PDE7B: variants seen among roughly 807,000 people sequenced by gnomAD.
PDE7B encodes the protein 3',5'-cyclic-AMP phosphodiesterase 7B.
In PDE7B, 29 loss-of-function variants were observed where a neutral mutation model predicts 56.2. That is an observed-to-expected ratio of 0.52 (90% CI 0.38 to 0.70). The LOEUF is 0.70. PDE7B is among the 30% of genes least tolerant of loss of function. The pLI, the probability that PDE7B is intolerant of heterozygous loss-of-function variation, is 0.00. For synonymous variants in PDE7B, 197 were observed against 196.9 expected (o/e 1.00, Z 0.00); for missense variants, 490 against 565.0 (o/e 0.87, Z 1.35).
intron 2 of PDE7B, among the ~76,000 whole-genome samples, chr6:136,006,614 G>A (rs1414078076): frequency 6.6e-6 from 1 of 152,036 alleles, no homozygotes; most frequent in African/African-American, 2.4e-5. Flanking sequence ...TCCCATTGTA[G>A]AGATATTTTA....
intron 2 of PDE7B, among the ~76,000 whole-genome samples, chr6:136,049,649 T>C (rs1776590217): frequency 1.3e-5 from 2 of 152,036 alleles, no homozygotes; most frequent in Non-Finnish European, 1.5e-5. Context: ...ATGGTTAAGA[T>C]CTCAACAAGA....
chr6:136,066,273 T>C (rs1776934469), intron 2 of PDE7B, among the ~76,000 whole-genome samples: 4 of 152,360 alleles, frequency 2.6e-5, no homozygotes, highest in Admixed American at 2.6e-4. Context: ...TTAGAGCAGA[T>C]GTGCACCTTG....
At chr6:136,122,152 C>T (rs1426937105) in intron 3 of PDE7B, among the ~76,000 whole-genome samples, 2 of 152,040 alleles carry the variant, frequency 1.3e-5, no homozygotes, top group Non-Finnish European at 2.9e-5. Flanking sequence ...CCCACCACCA[C>T]GCCCGGCTAA....
chr6:136,188,277 A>C (rs1779172537), intron 12 of PDE7B, among the ~76,000 whole-genome samples: 1 of 151,188 alleles, frequency 6.6e-6, no homozygotes, highest in Admixed American at 6.6e-5. Flanking sequence ...TTTTTTTTTC[A>C]AATTGTCCTT....
At chr6:136,189,684 CTG>C (rs1381509649) in intron 12 of PDE7B, among the ~76,000 whole-genome samples, 13 of 152,190 alleles carry the variant, frequency 8.5e-5, no homozygotes, top group African/African-American at 3.1e-4. Context: ...CTTGTCTACT[CTG>C]AGGCTACCAT....
chr6:136,043,595 A>AAAAAT (rs398002900), intron 2 of PDE7B, among the ~76,000 whole-genome samples: 4 of 146,342 alleles, frequency 2.7e-5, no homozygotes, highest in African/African-American at 5.0e-5. Context: ...AAAAAAAAAA[A>AAAAAT]GTGCCTAGAA....
chr6:135,868,202 A>T (rs1034278655), intron 1 of PDE7B, among the ~76,000 whole-genome samples: 2 of 152,068 alleles, frequency 1.3e-5, no homozygotes, highest in African/African-American at 4.8e-5. Context: ...GGCTAGGATA[A>T]GTTCTTTGGC....
chr6:136,184,256 C>T (rs1456531330), intron 11 of PDE7B, among the ~76,000 whole-genome samples: 1 of 152,074 alleles, frequency 6.6e-6, no homozygotes, highest in African/African-American at 2.4e-5. Flanking sequence ...CATTGGTTAG[C>T]AAAGTGTCTG....
At chr6:136,172,708 C>T (rs920487231) in intron 8 of PDE7B, among the ~76,000 whole-genome samples, 2 of 151,822 alleles carry the variant, frequency 1.3e-5, no homozygotes, top group African/African-American at 2.4e-5. Context: ...AAGTCCTTGC[C>T]CATGCCTATG....
chr6:136,001,268 C>G (rs924534355), intron 2 of PDE7B, among the ~76,000 whole-genome samples: 2 of 152,178 alleles, frequency 1.3e-5, no homozygotes, highest in Non-Finnish European at 2.9e-5. Context: ...AGCAGAAAAA[C>G]TGGAAACTCT....
At chr6:135,883,047 T>C (rs1775638486) in intron 1 of PDE7B, among the ~76,000 whole-genome samples, 1 of 152,208 alleles carries the variant, frequency 6.6e-6, no homozygotes, top group Non-Finnish European at 1.5e-5. Context: ...ATTCTTCAGG[T>C]ATCAGGGTGT....
intron 2 of PDE7B, among the ~76,000 whole-genome samples, chr6:136,103,609 G>C (rs748298742): frequency 6.6e-6 from 1 of 152,186 alleles, no homozygotes; most frequent in Non-Finnish European, 1.5e-5. Flanking sequence ...CCTTTCATGA[G>C]AGCTGCTTCT....
At chr6:135,949,093 A>G (rs935019557) in intron 2 of PDE7B, among the ~76,000 whole-genome samples, 9 of 152,066 alleles carry the variant, frequency 5.9e-5, no homozygotes, top group African/African-American at 2.2e-4. Context: ...TGTTATCTTC[A>G]TTTTATAAAT....
At chr6:136,001,026 A>G (rs1583820535) in intron 2 of PDE7B, among the ~76,000 whole-genome samples, 1 of 152,238 alleles carries the variant, frequency 6.6e-6, no homozygotes, top group African/African-American at 2.4e-5. Context: ...ATCAGACAGC[A>G]GCATTTGCAG....
intron 1 of PDE7B, among the ~76,000 whole-genome samples, chr6:135,932,317 T>C (rs1046668573): frequency 9.9e-5 from 15 of 152,142 alleles, no homozygotes; most frequent in African/African-American, 3.6e-4. Context: ...AATTGGATTG[T>C]TTGCAACTCA....
chr6:136,120,545 G>A (rs557802151), intron 3 of PDE7B, among the ~76,000 whole-genome samples: 36 of 152,150 alleles, frequency 2.4e-4, no homozygotes, highest in Non-Finnish European at 4.7e-4. Flanking sequence ...CTAACAGCAG[G>A]TGGGAAGAAG....
intron 1 of PDE7B, among the ~76,000 whole-genome samples, chr6:135,939,936 T>C (rs1210972546): frequency 6.6e-6 from 1 of 152,200 alleles, no homozygotes; most frequent in African/African-American, 2.4e-5. Flanking sequence ...AGAGCTCTAA[T>C]ACAGAGATAG....
intron 2 of PDE7B, among the ~76,000 whole-genome samples, chr6:136,027,057 A>G (rs1776165032): frequency 6.6e-6 from 1 of 152,182 alleles, no homozygotes; most frequent in African/African-American, 2.4e-5. Context: ...TCTCCCCACC[A>G]TGTGAGGATA....
intron 1 of PDE7B, among the ~76,000 whole-genome samples, chr6:135,853,444 A>G (rs1292463608): frequency 6.6e-6 from 1 of 152,250 alleles, no homozygotes; most frequent in Non-Finnish European, 1.5e-5. Flanking sequence ...GCATAACTGC[A>G]GCTCCTCCAT....
Sources: allele counts gnomAD v4.1 joint callset (sites outside exome capture counted in the v4.1 genomes callset), GRCh38; gene constraint gnomAD v4.1.1; transcripts MANE v1.5; gene names NCBI Gene and HGNC (gene_info 2026-07-23, HGNC 2026-07-21).